The following POLG variants were observed in gnomAD, a reference collection of about 807,000 sequenced individuals.
POLG encodes DNA polymerase gamma, catalytic subunit, also known as DNA polymerase subunit gamma-1.
In POLG, 110 loss-of-function variants were observed where a neutral mutation model predicts 155.4. That is an observed-to-expected ratio of 0.71 (90% CI 0.61 to 0.83). The LOEUF (loss-of-function observed/expected upper bound fraction) is 0.83. Ranked by LOEUF, POLG falls within the 40% of genes least tolerant of loss-of-function variation. The pLI, the probability that POLG is intolerant of heterozygous loss-of-function variation, is 0.00. For missense variants in POLG, 1,685 were observed against 1,627.5 expected (o/e 1.04, Z -0.61); for synonymous variants, 701 against 631.5 (o/e 1.11, Z -1.65).
chr15:89,317,392 T>C lies in POLG; in HGVS notation c.3627A>G (p.Arg1209=). 6.2e-7 allele frequency: 1 copy of C among 1,614,102 alleles called. No homozygotes were observed. The highest frequency in any genetic ancestry group is 8.5e-7 in the Non-Finnish European group (1 of 1,179,974). The change falls in exon 22 of 23, where the codon AGA becomes AGG. Residue 1209 remains arginine (R), a synonymous_variant. Transcript: ENST00000268124. The stretch of plus-strand genomic sequence containing the variant: ...TGTGCTCACCCTGGGGAATCCCGTA[T>C]CTCCTTTCCATCCCAGTTGGGTTGG... ...TPSNPTGMER[R]YGIPQGEALD...
chr15:89,330,953 C>T (rs532022437), intron 2 of POLG, among the ~76,000 whole-genome samples: 2 of 152,114 alleles, frequency 1.3e-5, no homozygotes, highest in South Asian at 4.1e-4. Context: ...GGGCCCGACA[C>T]TGATTCAGGA....
In POLG at chr15:89,328,708, T is replaced by C; in HGVS notation, c.1147A>G (p.Lys383Glu). ...PRELFVKGTM[K>E]DIRENFQDLM... is the part of the protein sequence containing the mutation. Reference sequence around the variant, plus strand: ...ACCTGGAAGTTCTCACGAATGTCCTTCATGGTGCCCTTCACAAACAGTTCT... The same window carrying C: ...ACCTGGAAGTTCTCACGAATGTCCTCCATGGTGCCCTTCACAAACAGTTCT... The change falls in exon 5 of 23, where the codon AAG becomes GAG. Residue 383 changes from lysine to glutamate, a missense_variant. Physicochemically the swap from Lys to Glu is moderately conservative, Grantham distance 56. Transcript: ENST00000268124. 1 of 1,614,138 alleles carries C rather than the reference T, an allele frequency of 6.2e-7. No individual in the cohort carries two copies. Among genetic ancestry groups the C allele is most frequent in the Non-Finnish European group, 8.5e-7 (1 of 1,180,016 alleles).
Position 89,316,564 on chromosome 15 carries a change from G to C in POLG, c.*187C>G. The C allele has an allele frequency of 7.9e-7, 1 of 1,266,858 alleles. No individual in the cohort carries two copies. The highest frequency in any genetic ancestry group is 1.1e-6 in the Non-Finnish European group (1 of 884,586). 78.5% of individuals were successfully genotyped at this position (1,266,858 alleles called of 1,614,324 possible). A position where few individuals can be genotyped will look rare whatever the true frequency, so the allele number is the denominator to read the frequency against. ...AGTCCACACCGATGTTGGCATCTTGGTTCTGAACCCACTGAATTCAACTGC... is the reference window on the plus strand; with the variant it reads ...AGTCCACACCGATGTTGGCATCTTGCTTCTGAACCCACTGAATTCAACTGC... On this transcript the variant is annotated 3_prime_UTR_variant, in exon 23 of 23. Coordinates refer to ENST00000268124, the MANE Select transcript of POLG (RefSeq NM_002693.3).
chr15:89,329,126 A>G lies in POLG; in HGVS notation c.856-16T>C. 1 of 1,605,870 alleles carries G rather than the reference A, an allele frequency of 6.2e-7. No individual in the cohort carries two copies. The highest frequency in any genetic ancestry group is 8.5e-7 in the Non-Finnish European group (1 of 1,178,010). On this transcript the variant is annotated splice_polypyrimidine_tract_variant and intron_variant, in intron 3 of 22. Transcript: ENST00000268124. ...TGCGGGAACCCTGAGGAGGAGGAGG[A>G]GAAAAGGGAAGGGAAGGAGGGAGGC...
chr15:89,317,655 T>C, intron 21 of POLG, 119 bp from the exon 22 acceptor site: 1 of 970,132 alleles, frequency 1.0e-6, no homozygotes, highest in Non-Finnish European at 1.6e-6. Context: ...ACACCCCATC[T>C]GTTCACTTAG....
rs889868224 is a variant in POLG at position 89,333,243 on chromosome 15, C to T, written c.512G>A (p.Trp171Ter). Residue 171 changes from tryptophan (W) to a stop codon, truncating the protein, a stop_gained, in exon 2 of 23, where the codon TGG becomes TAG. Transcript: ENST00000268124. LOFTEE classifies it high-confidence loss of function. ...QLPPKPPAWA[W>*]AEGWTRYGPE... ...GCCGTACCGGGTCCAGCCCTCCGCC[C>T]AGGCCCAAGCCGGGGGCTTCGGGGG... 6.3e-7 allele frequency: 1 copy of T among 1,576,682 alleles called. No individual in the cohort carries two copies. The highest frequency in any genetic ancestry group is 8.6e-7 in the Non-Finnish European group (1 of 1,159,716).
chr15:89,318,059 TATATAAA>T (rs1371783504), intron 21 of POLG: 9 of 243,062 alleles, frequency 3.7e-5, no homozygotes, highest in Admixed American at 2.6e-4. Context: ...TACAACTCAA[TATATAAA>T]ATATATAAGA....
chr15:89,325,123 T>A lies in POLG; in HGVS notation c.1949+327A>T, dbSNP rs1270918575. Among the ~76,000 whole-genome samples, 212 of 38,700 alleles carry A rather than the reference T, an allele frequency of 5.5e-3. 7 individuals carry two copies. The highest frequency in any genetic ancestry group is 0.012 in the African/African-American group (98 of 7,870). 25.4% of individuals were successfully genotyped at this position (38,700 alleles called of 152,430 possible). ...GAGAGAGTGAGAGAGAGTGAGTGAG[T>A]GAGTGAGAGAGTGAGTGAGAGAGTG... On this transcript the variant is annotated intron_variant, in intron 10 of 22. Coordinates refer to ENST00000268124, the MANE Select transcript of POLG (RefSeq NM_002693.3).
rs369395629 is a variant in POLG at position 89,321,805 on chromosome 15, T to C, written c.2529A>G (p.Gln843=). 6.8e-6 allele frequency: 11 copies of C among 1,614,018 alleles called. No homozygotes were observed. The Admixed American group carries it at 1.8e-4, about 27-fold the overall frequency. Residue 843 remains glutamine (Q), a synonymous_variant, in exon 16 of 23, where the codon CAA becomes CAG. Coordinates refer to ENST00000268124, the MANE Select transcript of POLG (RefSeq NM_002693.3). The part of the protein sequence containing the change: ...EEGLYGAILP[Q]VVTAGTITRR... ...GAGTGATGGTGCCGGCAGTCACCAC[T>C]TGGGGCAGGATGGCCCCATAGAGGC... is the stretch of plus-strand genomic sequence containing the variant.
chr15:89,332,584 T>C (rs2055607457), intron 2 of POLG, among the ~76,000 whole-genome samples: 1 of 71,110 alleles, frequency 1.4e-5, no homozygotes, highest in Non-Finnish European at 2.5e-5. Flanking sequence ...AGGGGGCGTC[T>C]GGAAACGTTG....
intron 9 of POLG, among the ~76,000 whole-genome samples, chr15:89,326,070 C>G (rs988723367): frequency 1.3e-5 from 2 of 152,306 alleles, no homozygotes; most frequent in African/African-American, 4.8e-5. Flanking sequence ...CTCTTGCAGG[C>G]TGTTCACCAG....
chr15:89,327,647 C>T (rs1181634413), intron 6 of POLG, among the ~76,000 whole-genome samples: 2 of 152,140 alleles, frequency 1.3e-5, no homozygotes, highest in Non-Finnish European at 2.9e-5. Context: ...TGACTCTGTG[C>T]CAGGCACTGT....
At chr15:89,325,131 A>AGAGAGTGAGT in intron 10 of POLG, among the ~76,000 whole-genome samples, 2 of 44,680 alleles carry the variant, frequency 4.5e-5, no homozygotes, top group East Asian at 7.5e-4. Flanking sequence ...AGTGAGTGAG[A>AGAGAGTGAGT]GAGTGAGTGA....
chr15:89,325,233 AGAGAGTGAGTGAGTGAGAGAGAGAGT>A (rs2055490596), intron 10 of POLG, among the ~76,000 whole-genome samples, 191 bp downstream of exon 10: 1 of 104,072 alleles, frequency 9.6e-6, no homozygotes, highest in Non-Finnish European at 1.9e-5. Flanking sequence ...AGAGTGAGTG[AGAGAGTGAGTGAGTGAGAGAGAGAGT>A]GAGTGAGTGA....
chr15:89,322,117 C>G, intron 14 of POLG, 102 bp from the exon 15 acceptor site: 2 of 1,089,618 alleles, frequency 1.8e-6, no homozygotes, highest in Non-Finnish European at 2.8e-6. Context: ...GACTGCTATA[C>G]TCCATTACCC....
chr15:89,330,821 T>C (rs750247556), intron 2 of POLG, among the ~76,000 whole-genome samples: 3 of 147,280 alleles, frequency 2.0e-5, no homozygotes, highest in Non-Finnish European at 4.5e-5. Flanking sequence ...AAAGAGCAAA[T>C]CACACACCTT....
rs769214289 is a variant in POLG, at chr15:89,333,651, G to A, written c.104C>T (p.Pro35Leu). The A allele has an allele frequency of 5.1e-6, 8 of 1,581,488 alleles. No homozygotes were observed. The highest frequency in any genetic ancestry group is 6.8e-6 in the Non-Finnish European group (8 of 1,168,200). The change falls in exon 2 of 23, where the codon CCC becomes CTC. Residue 35 changes from proline (P) to leucine (L), a missense_variant. By Grantham distance (98) the Pro-to-Leu change is moderately conservative. This residue lies in a region of POLG where 1,210 missense variants were observed against 1,167.1 expected (regional missense o/e 1.04). Transcript: ENST00000268124. ...CTGCCGCCGCCGCTGCCCGTCGCTG[G>A]GGTCGGACGCGGGGACGGAGCTGGA... The part of the protein sequence containing the change: ...WVSSSVPASD[P>L]SDGQRRRQQQ...
At position 89,316,359 on chromosome 15, in the gene POLG, G is replaced by A. The variant is rs760908781; in HGVS notation, c.*392C>T. The A allele has an allele frequency of 5.7e-6, 9 of 1,589,820 alleles. No homozygotes were observed. The South Asian group carries it at 7.9e-5, about 14-fold the overall frequency. ...TTTTATTTCCACTGCCTTGGAGCAGGTTTATCACGTTAGAGCATTAATTCT... is the reference window on the plus strand; with the variant it reads ...TTTTATTTCCACTGCCTTGGAGCAGATTTATCACGTTAGAGCATTAATTCT... On this transcript the variant is annotated 3_prime_UTR_variant, in exon 23 of 23. Coordinates refer to ENST00000268124, the MANE Select transcript of POLG (RefSeq NM_002693.3).
Position 89,317,456 on chromosome 15 carries a change from C to T in POLG, c.3563G>A (p.Cys1188Tyr). ...ATCCATGGTCACTTCCTTCCTGAGG[C>T]ACCGGTCAATATCGACTGCACTGAA... ...AFFSAVDIDR[C>Y]LRKEVTMDCK... is the part of the protein sequence containing the mutation. The change falls in exon 22 of 23, where the codon TGC becomes TAC. Residue 1188 changes from cysteine to tyrosine, a missense_variant. Physicochemically the swap from Cys to Tyr is radical, Grantham distance 194 (BLOSUM62 -2). This residue lies in a region of POLG where 470 missense variants were observed against 439.9 expected (regional missense o/e 1.07). Coordinates refer to ENST00000268124, the MANE Select transcript of POLG (RefSeq NM_002693.3). The T allele has an allele frequency of 3.1e-6, 5 of 1,614,072 alleles. No individual in the cohort carries two copies. Among genetic ancestry groups the T allele is most frequent in the East Asian group, 2.2e-5 (1 of 44,886 alleles).
Sources: gnomAD v4.1 joint callset for allele counts (sites outside exome capture counted in the v4.1 genomes callset) on GRCh38, gnomAD v4.1.1 for gene constraint, gnomAD v4.1.1 regional missense constraint, MANE v1.5 for transcripts, NCBI Gene and HGNC (gene_info 2026-07-23, HGNC 2026-07-21) for gene names.